The following COMMD1 variants were observed in gnomAD, a reference collection of about 807,000 sequenced individuals.
COMMD1 encodes COMM domain-containing protein 1.
A neutral mutation model predicts 17.2 loss-of-function variants in COMMD1; 10 were observed. The observed-to-expected ratio is 0.58, with a 90% CI of 0.36 to 0.99. The LOEUF (loss-of-function observed/expected upper bound fraction) is 0.99. COMMD1 is among the 50% of genes least tolerant of loss of function. The probability of loss-of-function intolerance (pLI) is 0.01; values close to 1 mark genes in which losing one functional copy is unlikely to be tolerated. For synonymous variants in COMMD1, 97 were observed against 91.6 expected (o/e 1.06, Z -0.34); for missense variants, 270 against 231.8 (o/e 1.17, Z -1.07).
chr2:62,045,939 G>A (rs1158726909), intron 2 of COMMD1, among the ~76,000 whole-genome samples: 7 of 151,992 alleles, frequency 4.6e-5, no homozygotes, highest in Middle Eastern at 3.4e-3. Context: ...GTTTCACCAT[G>A]TTGGCCAGGC....
intron 2 of COMMD1, among the ~76,000 whole-genome samples, chr2:62,013,611 G>C (rs948086298): frequency 4.6e-5 from 7 of 152,200 alleles, no homozygotes; most frequent in African/African-American, 1.7e-4. Context: ...CATGGAAATA[G>C]AGGTAATTTT....
At chr2:61,995,938 C>T (rs182195745) in intron 1 of COMMD1, among the ~76,000 whole-genome samples, 51 of 152,206 alleles carry the variant, frequency 3.4e-4, no homozygotes, top group Admixed American at 7.2e-4. Flanking sequence ...TGCAATTAAG[C>T]GAGTCACATG....
chr2:61,949,408 A>C (rs1485398503), intron 1 of COMMD1, among the ~76,000 whole-genome samples: 1 of 152,196 alleles, frequency 6.6e-6, no homozygotes, highest in Non-Finnish European at 1.5e-5. Context: ...GTTCCTTCCA[A>C]ACAAAGAAGC....
At chr2:61,894,476 C>T (rs905174563) in intron 1 of COMMD1, among the ~76,000 whole-genome samples, 1 of 151,702 alleles carries the variant, frequency 6.6e-6, no homozygotes, top group Non-Finnish European at 1.5e-5. Context: ...AATCAAGTTC[C>T]TAGATCCAAC....
chr2:62,114,276 A>G (rs1442697441), intron 2 of COMMD1, among the ~76,000 whole-genome samples: 1 of 152,194 alleles, frequency 6.6e-6, no homozygotes, highest in African/African-American at 2.4e-5. Context: ...TCTCTTACAC[A>G]GAGGATTGAC....
chr2:62,054,023 A>G (rs1232597992), intron 2 of COMMD1, among the ~76,000 whole-genome samples: 2 of 152,220 alleles, frequency 1.3e-5, no homozygotes, highest in South Asian at 2.1e-4. Context: ...AAATAATCCT[A>G]CTAAAAAGTG....
At position 62,066,693 on chromosome 2, in the gene COMMD1, G is replaced by A. The variant is rs565244210; in HGVS notation, c.462+65711G>A. Reference sequence around the variant, plus strand: ...TGGGATTACAGGTGTGAGCCACCGCGCCTGGCCTAAAGCAAGATCAAATGT... The same window carrying A: ...TGGGATTACAGGTGTGAGCCACCGCACCTGGCCTAAAGCAAGATCAAATGT... On this transcript the variant is annotated intron_variant, in intron 2 of 2. Transcript: ENST00000311832. 1.7e-4 allele frequency among the ~76,000 whole-genome samples: 26 copies of A among 149,838 alleles called. 1 individual carries two copies. The highest frequency in any genetic ancestry group is 5.9e-4 in the African/African-American group (24 of 40,676).
intron 2 of COMMD1, among the ~76,000 whole-genome samples, chr2:62,050,483 T>A (rs995841663): frequency 3.3e-5 from 5 of 152,220 alleles, no homozygotes; most frequent in Admixed American, 3.3e-4. Context: ...TATACAACTT[T>A]TCATTTGCTT....
chr2:61,908,707 C>G (rs1200456618), intron 1 of COMMD1, among the ~76,000 whole-genome samples: 2 of 151,662 alleles, frequency 1.3e-5, no homozygotes, highest in African/African-American at 4.8e-5. Context: ...TTACAGGCAC[C>G]AGCCACCACG....
intron 1 of COMMD1, among the ~76,000 whole-genome samples, chr2:61,893,675 A>C (rs1008540065): frequency 1.3e-5 from 2 of 152,088 alleles, no homozygotes; most frequent in African/African-American, 2.4e-5. Context: ...TTAGCTGGGC[A>C]TGGTGGCACA....
At chr2:62,106,505 C>A (rs1216951127) in intron 2 of COMMD1, among the ~76,000 whole-genome samples, 1 of 152,214 alleles carries the variant, frequency 6.6e-6, no homozygotes, top group African/African-American at 2.4e-5. Context: ...AGCTTTTCAA[C>A]CCTACCACTG....
At chr2:62,064,468 C>T (rs1000359318) in intron 2 of COMMD1, among the ~76,000 whole-genome samples, 10 of 152,144 alleles carry the variant, frequency 6.6e-5, no homozygotes, top group African/African-American at 2.2e-4. Flanking sequence ...GCCACCATGC[C>T]GGGTCCATAG....
At chr2:62,048,157 T>C (rs1476675507) in intron 2 of COMMD1, among the ~76,000 whole-genome samples, 2 of 151,866 alleles carry the variant, frequency 1.3e-5, no homozygotes, top group Non-Finnish European at 2.9e-5. Flanking sequence ...GATTTTTAAG[T>C]TGATGTGAAT....
intron 1 of COMMD1, among the ~76,000 whole-genome samples, chr2:61,990,496 T>G (rs1293549691): frequency 3.9e-5 from 6 of 152,182 alleles, no homozygotes; most frequent in Admixed American, 3.9e-4. Flanking sequence ...AAGACCAGCC[T>G]GGGCAACATA....
chr2:61,985,144 A>G (rs10164760), intron 1 of COMMD1, among the ~76,000 whole-genome samples: 18,298 of 150,368 alleles, frequency 0.12, 2,669 homozygotes, highest in African/African-American at 0.35. Context: ...TCCGCCTCCC[A>G]GGTTAATGCC....
intron 2 of COMMD1, among the ~76,000 whole-genome samples, chr2:62,019,314 C>T (rs962306880): frequency 2.6e-5 from 4 of 151,888 alleles, no homozygotes; most frequent in Non-Finnish European, 5.9e-5. Context: ...CCTGGGATTA[C>T]AGGCACCCAC....
intron 2 of COMMD1, among the ~76,000 whole-genome samples, chr2:62,080,785 ATT>A (rs55825411): frequency 0.013 from 1,842 of 143,494 alleles, 30 homozygotes; most frequent in African/African-American, 0.033. Flanking sequence ...GATAGTTGGA[ATT>A]TTTTTTTTTT....
At chr2:61,969,035 C>G in intron 1 of COMMD1, 1 of 441,402 alleles carries the variant, frequency 2.3e-6, no homozygotes, top group South Asian at 1.6e-5. Context: ...CATGGCACAC[C>G]GTGGCCTTGA....
chr2:61,919,544 T>G (rs1196508299), intron 1 of COMMD1, among the ~76,000 whole-genome samples: 2 of 136,962 alleles, frequency 1.5e-5, no homozygotes, highest in African/African-American at 5.6e-5. Flanking sequence ...CTTCATCGCG[T>G]TTTTTTTTTT....
Sources: gnomAD v4.1 joint callset for allele counts (sites outside exome capture counted in the v4.1 genomes callset) on GRCh38, gnomAD v4.1.1 for gene constraint, MANE v1.5 for transcripts, NCBI Gene and HGNC (gene_info 2026-07-23, HGNC 2026-07-21) for gene names.